PHF21A: variants seen among roughly 807,000 people sequenced by gnomAD.
PHF21A encodes PHD finger protein 21A.
In PHF21A, 11 loss-of-function variants were observed where a neutral mutation model predicts 82.5. That is an observed-to-expected ratio of 0.13 (90% confidence interval 0.08 to 0.22). PHF21A has a LOEUF of 0.22. Among genes scored for constraint, PHF21A ranks in the 10% least tolerant of loss-of-function variants. The pLI, the probability that PHF21A is intolerant of heterozygous loss-of-function variation, is 1.00. For missense variants in PHF21A, 579 were observed against 837.8 expected, an observed-to-expected ratio of 0.69 and a Z score of 3.81; for synonymous variants, 297 against 302.8, an observed-to-expected ratio of 0.98 and a Z score of 0.20.
intron 4 of PHF21A, among the ~76,000 whole-genome samples, chr11:46,083,075 A>G (rs1442475668): frequency 6.6e-6 from 1 of 152,132 alleles, no homozygotes; most frequent in Admixed American, 6.5e-5. Flanking sequence ...GGTATTCAAC[A>G]CACCTCTATG....
At chr11:45,977,645 G>A (rs1455870547) in intron 7 of PHF21A, among the ~76,000 whole-genome samples, 1 of 152,092 alleles carries the variant, frequency 6.6e-6, no homozygotes, top group Non-Finnish European at 1.5e-5. Context: ...CATTCTTTCA[G>A]AACTAATACA....
At chr11:46,065,889 A>C (rs2096588112) in intron 6 of PHF21A, among the ~76,000 whole-genome samples, 1 of 152,220 alleles carries the variant, frequency 6.6e-6, no homozygotes, top group South Asian at 2.1e-4. Flanking sequence ...AGCTACACAA[A>C]AGTCACAGAG....
At chr11:45,945,354 T>C (rs544896923) in intron 15 of PHF21A, among the ~76,000 whole-genome samples, 1 of 152,288 alleles carries the variant, frequency 6.6e-6, no homozygotes, top group South Asian at 2.1e-4. Context: ...CTGTTTCTGA[T>C]CAACTCTGCT....
chr11:46,120,380 G>T (rs1365389504), intron 1 of PHF21A: 1 of 149,876 alleles, frequency 6.7e-6, no homozygotes, highest in Non-Finnish European at 1.5e-5. Context: ...GCGAGGCTCC[G>T]TGCCCCCCGC....
At chr11:46,057,703 C>A (rs946245765) in intron 6 of PHF21A, among the ~76,000 whole-genome samples, 7 of 152,116 alleles carry the variant, frequency 4.6e-5, no homozygotes, top group African/African-American at 7.2e-5. Context: ...CTAGAACTTA[C>A]CCTAGCTCAC....
In PHF21A at chr11:45,974,856, G is replaced by A. The variant is rs11826424; in HGVS notation, c.361-3489C>T. On this transcript the variant is annotated intron_variant, in intron 7 of 18. Transcript: ENST00000676320. ...GGTAGCTGTTTCTCCACAGTTTCAT[G>A]ATGGGGTCCTTTATTTTGACAAAAC... 7.0e-3 allele frequency among the ~76,000 whole-genome samples: 1,066 copies of A among 152,284 alleles called. 11 individuals carry two copies. The highest frequency in any genetic ancestry group is 0.024 in the African/African-American group (1,014 of 41,540).
intron 10 of PHF21A, among the ~76,000 whole-genome samples, chr11:45,959,057 ACACTATGACAAAGC>A (rs2092912500): frequency 6.6e-6 from 1 of 152,248 alleles, no homozygotes; most frequent in African/African-American, 2.4e-5. Context: ...AAAGGATGGT[ACACTATGACAAAGC>A]CAGATTTATC....
chr11:46,073,439 G>C (rs1484387043), intron 6 of PHF21A, among the ~76,000 whole-genome samples: 1 of 151,960 alleles, frequency 6.6e-6, no homozygotes, highest in Non-Finnish European at 1.5e-5. Flanking sequence ...ACAGACAAGA[G>C]CTTGATGTTA....
intron 6 of PHF21A, among the ~76,000 whole-genome samples, chr11:45,990,165 C>T (rs2136619031): frequency 6.6e-6 from 1 of 151,870 alleles, no homozygotes; most frequent in South Asian, 2.1e-4. Context: ...TATGCACCCA[C>T]TAACACAAAC....
At chr11:45,935,574 A>ATT (rs760127730) in intron 18 of PHF21A, 62 bp downstream of exon 18, 10 of 874,378 alleles carry the variant, frequency 1.1e-5, no homozygotes, top group Non-Finnish European at 1.9e-5. Flanking sequence ...TGTTACGTAT[A>ATT]TTGGAAAGGC....
chr11:46,010,155 G>A (rs547789832), intron 6 of PHF21A, among the ~76,000 whole-genome samples: 1 of 152,204 alleles, frequency 6.6e-6, no homozygotes, highest in African/African-American at 2.4e-5. Flanking sequence ...AAAAACTAAA[G>A]CTCTCTCCTG....
At chr11:46,018,638 C>T (rs890083812) in intron 6 of PHF21A, among the ~76,000 whole-genome samples, 1 of 152,114 alleles carries the variant, frequency 6.6e-6, no homozygotes, top group East Asian at 1.9e-4. Flanking sequence ...AGATTCCATA[C>T]AGGTACATAT....
intron 4 of PHF21A, among the ~76,000 whole-genome samples, chr11:46,080,811 G>A (rs1051610309): frequency 6.6e-6 from 1 of 151,866 alleles, no homozygotes; most frequent in Non-Finnish European, 1.5e-5. Flanking sequence ...GGGACTACAG[G>A]TGCACACCAC....
At chr11:46,021,358 G>A (rs1007932647) in intron 6 of PHF21A, among the ~76,000 whole-genome samples, 9 of 150,668 alleles carry the variant, frequency 6.0e-5, no homozygotes, top group African/African-American at 1.7e-4. Context: ...CACTGTGCCT[G>A]GCCATTAGAC....
rs749761719 is a variant in PHF21A at position 46,079,121 on chromosome 11, A to G, written c.87+13T>C. 1 of 1,507,102 alleles carries G rather than the reference A, an allele frequency of 6.6e-7. No individual in the cohort carries two copies. Among genetic ancestry groups the G allele is most frequent in the Non-Finnish European group, 9.1e-7 (1 of 1,094,984 alleles). The allele number at this position is 1,507,102 out of a possible 1,614,324, so 93.4% of individuals were successfully genotyped here. A position where few individuals can be genotyped will look rare whatever the true frequency, so the allele number is the denominator to read the frequency against. On this transcript the variant is annotated intron_variant, in intron 5 of 18. Coordinates refer to ENST00000676320, the MANE Select transcript of PHF21A (RefSeq NM_001352027.3). ...AAATTTAACAATTAAATGAATAACA[A>G]TAGTAGTTTTACCTGTGGATCCTGC... is the stretch of plus-strand genomic sequence containing the variant.
At chr11:45,958,449 TAC>T (rs60775450) in intron 10 of PHF21A, among the ~76,000 whole-genome samples, 8 of 15,074 alleles carry the variant, frequency 5.3e-4, no homozygotes, top group Non-Finnish European at 7.8e-4. Context: ...TATATATATA[TAC>T]ACACACACAC....
At chr11:45,982,388 A>T (rs1260021365) in intron 6 of PHF21A, among the ~76,000 whole-genome samples, 1 of 151,656 alleles carries the variant, frequency 6.6e-6, no homozygotes, top group Non-Finnish European at 1.5e-5. Context: ...CTGAGTAAAT[A>T]TTTTTTTTTA....
At chr11:45,939,788 A>G (rs935007484) in intron 15 of PHF21A, among the ~76,000 whole-genome samples, 2 of 151,672 alleles carry the variant, frequency 1.3e-5, no homozygotes, top group Non-Finnish European at 2.9e-5. Context: ...AAAAAAAAAA[A>G]AAAAAAAGAG....
At chr11:45,980,570 G>A (rs1227525048) in intron 6 of PHF21A, among the ~76,000 whole-genome samples, 1 of 152,164 alleles carries the variant, frequency 6.6e-6, no homozygotes, top group African/African-American at 2.4e-5. Flanking sequence ...ATTCACAGGT[G>A]TAGTCATAGT....
Sources: gnomAD v4.1 joint callset for allele counts (sites outside exome capture counted in the v4.1 genomes callset) on GRCh38, gnomAD v4.1.1 for gene constraint, MANE v1.5 for transcripts, NCBI Gene and HGNC (gene_info 2026-07-23, HGNC 2026-07-21) for gene names.